KIF26B: variants seen among roughly 807,000 people sequenced by gnomAD.
The protein encoded by KIF26B is kinesin family member 26B.
Under a neutral mutation model 151.2 loss-of-function variants are expected in KIF26B, and 63 were observed. The ratio of observed to expected loss-of-function variants is 0.42; its 90% CI spans 0.34 to 0.51. The LOEUF (loss-of-function observed/expected upper bound fraction) is 0.51. Ranked by LOEUF, KIF26B falls within the 20% of genes least tolerant of loss-of-function variation. The pLI is 0.07. For missense variants in KIF26B, 2,813 were observed against 2,913.6 expected (o/e 0.97, Z 0.79); for synonymous variants, 1,357 against 1,262.1 (o/e 1.08, Z -1.59).
At chr1:245,494,197 T>G (rs1037387798) in intron 4 of KIF26B, among the ~76,000 whole-genome samples, 4 of 152,020 alleles carry the variant, frequency 2.6e-5, no homozygotes, top group African/African-American at 9.7e-5. Flanking sequence ...TCCCAGATAC[T>G]CGGGAGACTG....
At chr1:245,550,667 G>T (rs1320833123) in intron 5 of KIF26B, among the ~76,000 whole-genome samples, 1 of 152,236 alleles carries the variant, frequency 6.6e-6, no homozygotes, top group East Asian at 1.9e-4. Context: ...GCTGCTGGGG[G>T]CCAGGCACAT....
chr1:245,296,604 C>T lies in KIF26B; in HGVS notation c.466-70230C>T, dbSNP rs1386347996. Among the ~76,000 whole-genome samples, 5 of 152,212 alleles carry T rather than the reference C, an allele frequency of 3.3e-5. No homozygotes were observed. The South Asian group carries it at 6.2e-4, about 19-fold the overall frequency. ...GACTCCAGATCCCCTGCTTTCCCAT[C>T]GCCATGGGATGCCCAGAATGTTAGG... On this transcript the variant is annotated intron_variant, in intron 2 of 14. Transcript: ENST00000407071.
rs1326985036 is a variant in KIF26B at position 245,227,535 on chromosome 1, A to G, written c.465+70852A>G. Among the ~76,000 whole-genome samples the G allele has an allele frequency of 6.6e-6, 1 of 152,100 alleles. No homozygotes were observed. The highest frequency in any genetic ancestry group is 1.5e-5 in the Non-Finnish European group (1 of 68,010). On this transcript the variant is annotated intron_variant, in intron 2 of 14. Transcript: ENST00000407071. The surrounding 1 kb of genome is among the most constrained non-coding windows in gnomAD (Gnocchi z 4.1). ...TGGATTCCTCACGGGCAGAGATACTACCCTCTGAGCTTGCTCCCTGCTTTG... is the reference window on the plus strand; with the variant it reads ...TGGATTCCTCACGGGCAGAGATACTGCCCTCTGAGCTTGCTCCCTGCTTTG...
intron 2 of KIF26B, among the ~76,000 whole-genome samples, chr1:245,309,495 C>T (rs567113273): frequency 2.1e-4 from 32 of 151,954 alleles, no homozygotes; most frequent in Non-Finnish European, 3.7e-4. Flanking sequence ...GATGGAATGA[C>T]GCCATCGGGT....
intron 5 of KIF26B, among the ~76,000 whole-genome samples, chr1:245,549,874 A>C (rs1661836216): frequency 6.6e-6 from 1 of 151,796 alleles, no homozygotes; most frequent in Admixed American, 6.6e-5. Flanking sequence ...TCTGCTTCCC[A>C]GATTCAAGCG....
chr1:245,672,034 A>AG (rs2044293681), intron 10 of KIF26B, among the ~76,000 whole-genome samples: 2 of 152,166 alleles, frequency 1.3e-5, no homozygotes, highest in African/African-American at 4.8e-5. Context: ...TCACATGATA[A>AG]GGGGGAGTCC....
chr1:245,426,662 A>ACCAAGCC (rs1385165488), intron 4 of KIF26B, among the ~76,000 whole-genome samples: 1 of 152,112 alleles, frequency 6.6e-6, no homozygotes. Context: ...TAGTGTTAAA[A>ACCAAGCC]CCAAGCCCCG....
chr1:245,316,878 T>C (rs541301398), intron 2 of KIF26B, among the ~76,000 whole-genome samples: 1 of 114,184 alleles, frequency 8.8e-6, no homozygotes, highest in South Asian at 2.5e-4. Context: ...ACCTGCATTT[T>C]GTGTGTTTCC....
intron 2 of KIF26B, among the ~76,000 whole-genome samples, chr1:245,177,189 A>AC (rs1668823105): frequency 6.6e-6 from 1 of 152,144 alleles, no homozygotes; most frequent in African/African-American, 2.4e-5. Context: ...GCCTGGCCTC[A>AC]CGCCTCCTGC....
rs138411924 is a variant in KIF26B at position 245,185,553 on chromosome 1, A to G, written c.465+28870A>G. Among the ~76,000 whole-genome samples the G allele has an allele frequency of 5.2e-4, 79 of 152,342 alleles. 2 individuals carry two copies. The highest frequency in any genetic ancestry group is 1.9e-3 in the African/African-American group (78 of 41,574). On this transcript the variant is annotated intron_variant, in intron 2 of 14. Transcript: ENST00000407071. ...AAGTCAGCTTTGTGTCAATCAACAAACACTGTGGTCTGTCTTTTCTCTCAG... is the reference window on the plus strand; with the variant it reads ...AAGTCAGCTTTGTGTCAATCAACAAGCACTGTGGTCTGTCTTTTCTCTCAG...
intron 12 of KIF26B, among the ~76,000 whole-genome samples, chr1:245,697,569 G>A (rs914346903): frequency 3.3e-5 from 5 of 152,144 alleles, no homozygotes; most frequent in African/African-American, 1.2e-4. Context: ...ACTAGGAGGC[G>A]GTTCTAAAGA....
At position 245,218,098 on chromosome 1, in the gene KIF26B, T is replaced by C. The variant is rs1669685241; in HGVS notation, c.465+61415T>C. Among the ~76,000 whole-genome samples, 1 of 152,214 alleles carries C rather than the reference T, an allele frequency of 6.6e-6. No individual in the cohort carries two copies. The highest frequency in any genetic ancestry group is 6.5e-5 in the Admixed American group (1 of 15,288). On this transcript the variant is annotated intron_variant, in intron 2 of 14. Coordinates refer to ENST00000407071, the MANE Select transcript of KIF26B (RefSeq NM_018012.4). The surrounding 1 kb of genome is among the most constrained non-coding windows in gnomAD (Gnocchi z 4.1). ...GACTCTGAAGAGAGCCCACCTACAG[T>C]CCAGCATGTCTGGATCCTGTGCAGC...
intron 5 of KIF26B, among the ~76,000 whole-genome samples, chr1:245,556,755 T>C (rs546408902): frequency 7.2e-5 from 11 of 152,212 alleles, no homozygotes; most frequent in Non-Finnish European, 1.5e-4. Flanking sequence ...TCAAGAATGG[T>C]CTCAAACTCC....
At chr1:245,675,519 C>T (rs753899664) in intron 10 of KIF26B, among the ~76,000 whole-genome samples, 1 of 152,132 alleles carries the variant, frequency 6.6e-6, no homozygotes, top group Non-Finnish European at 1.5e-5. Context: ...ATGGAAAAGG[C>T]CACATCTATC....
chr1:245,413,015 A>T (rs1674324312), intron 3 of KIF26B, among the ~76,000 whole-genome samples: 1 of 152,184 alleles, frequency 6.6e-6, no homozygotes, highest in Non-Finnish European at 1.5e-5. Flanking sequence ...TTTGGAAAGT[A>T]ACAGATATCC....
At chr1:245,294,556 T>C (rs1240505824) in intron 2 of KIF26B, among the ~76,000 whole-genome samples, 1 of 152,220 alleles carries the variant, frequency 6.6e-6, no homozygotes, top group Non-Finnish European at 1.5e-5. Flanking sequence ...TGGTTTTTTA[T>C]CTAAATGGTT....
In KIF26B at chr1:245,166,764, A is replaced by G. The variant is rs140355327; in HGVS notation, c.465+10081A>G. On this transcript the variant is annotated intron_variant, in intron 2 of 14. Transcript: ENST00000407071. The surrounding 1 kb of genome is among the most constrained non-coding windows in gnomAD (Gnocchi z 4.5). Reference sequence around the variant, plus strand: ...TGCTGATCCTATCACATCGATTCCAACCAGACCCCATGGGAAGTCTGGGAA... The same window carrying G: ...TGCTGATCCTATCACATCGATTCCAGCCAGACCCCATGGGAAGTCTGGGAA... Among the ~76,000 whole-genome samples, 22 of 152,210 alleles carry G rather than the reference A, an allele frequency of 1.4e-4. No homozygotes were observed. In the East Asian group the frequency reaches 3.3e-3, roughly 23 times the overall value.
intron 2 of KIF26B, among the ~76,000 whole-genome samples, chr1:245,311,974 C>T (rs1248683876): frequency 1.3e-5 from 2 of 152,190 alleles, no homozygotes; most frequent in South Asian, 2.1e-4. Context: ...GAATCAGCCA[C>T]GCTGAATTGA....
chr1:245,634,377 G>A (rs532575285), intron 9 of KIF26B, among the ~76,000 whole-genome samples: 2 of 152,300 alleles, frequency 1.3e-5, no homozygotes, highest in South Asian at 2.1e-4. Context: ...AAATGGAAAC[G>A]GTGAGAGTGG....
Sources: allele counts gnomAD v4.1 joint callset (sites outside exome capture counted in the v4.1 genomes callset), GRCh38; gene constraint gnomAD v4.1.1; non-coding constraint Gnocchi (gnomAD v3.1); transcripts MANE v1.5; gene names NCBI Gene and HGNC (gene_info 2026-07-23, HGNC 2026-07-21).